Variants in DLC1 observed in about 807,000 individuals in gnomAD.
The protein encoded by DLC1 is DLC1 Rho GTPase activating protein.
Under a neutral mutation model 140.3 loss-of-function variants are expected in DLC1, and 54 were observed. The observed-to-expected ratio is 0.38, with a 90% CI of 0.31 to 0.48. DLC1 has a LOEUF of 0.48. Among genes scored for constraint, DLC1 ranks in the 20% least tolerant of loss-of-function variants. DLC1 has a pLI of 0.96. For synonymous variants in DLC1, 986 were observed against 728.1 expected (o/e 1.35, Z -5.70); for missense variants, 2,536 against 1,907.0 (o/e 1.33, Z -6.14).
chr8:13,122,491 A>C (rs1821176790), intron 5 of DLC1, among the ~76,000 whole-genome samples: 1 of 150,048 alleles, frequency 6.7e-6, no homozygotes, highest in Non-Finnish European at 1.5e-5. Flanking sequence ...GAAGAAGGAA[A>C]AGAAAAAAAA....
At chr8:13,594,138 G>A (rs757893343) in intron 1 of DLC1, among the ~76,000 whole-genome samples, 9 of 152,154 alleles carry the variant, frequency 5.9e-5, no homozygotes, top group Non-Finnish European at 1.3e-4. Flanking sequence ...TCCAGCCTGG[G>A]CAACAGAGCG....
chr8:13,267,301 C>T (rs1247911752), intron 5 of DLC1, among the ~76,000 whole-genome samples: 1 of 151,388 alleles, frequency 6.6e-6, no homozygotes, highest in African/African-American at 2.4e-5. Context: ...TAGGAATGTT[C>T]TTACTCATCT....
At chr8:13,132,576 A>C (rs905419915) in intron 5 of DLC1, among the ~76,000 whole-genome samples, 39 of 152,298 alleles carry the variant, frequency 2.6e-4, no homozygotes, top group Non-Finnish European at 5.0e-4. Flanking sequence ...AAAGGAAGGT[A>C]GAAGGCGGTG....
intron 2 of DLC1, among the ~76,000 whole-genome samples, chr8:13,456,607 C>T (rs1188518548): frequency 6.6e-6 from 1 of 152,104 alleles, no homozygotes; most frequent in Non-Finnish European, 1.5e-5. Context: ...TATAGGCTTG[C>T]TCCACTATGC....
Position 13,500,007 on chromosome 8 carries a change from A to C in DLC1, c.65T>G (p.Phe22Cys). The change falls in exon 2 of 18, where the codon TTT becomes TGT. Residue 22 changes from phenylalanine (F) to cysteine (C), a missense_variant. Physicochemically the swap from Phe to Cys is radical, Grantham distance 205. Coordinates refer to ENST00000276297, the MANE Select transcript of DLC1 (RefSeq NM_182643.3). Reference sequence around the variant, plus strand: ...TGCTGTGTTACGATCATCAGAATTAAAAGGCTGTCCCATCCAGTGGGTCAC... The same window carrying C: ...TGCTGTGTTACGATCATCAGAATTACAAGGCTGTCCCATCCAGTGGGTCAC... ...EHVTHWMGQP[F>C]NSDDRNTACH... The C allele has an allele frequency of 1.9e-6, 3 of 1,614,094 alleles. No individual in the cohort carries two copies. Among genetic ancestry groups the C allele is most frequent in the Non-Finnish European group, 2.5e-6 (3 of 1,179,982 alleles).
intron 2 of DLC1, among the ~76,000 whole-genome samples, chr8:13,446,106 ATC>A (rs1798765291): frequency 2.0e-5 from 3 of 152,144 alleles, no homozygotes; most frequent in African/African-American, 7.2e-5. Context: ...TTTCAGAAAA[ATC>A]ACATCAAGAC....
intron 5 of DLC1, among the ~76,000 whole-genome samples, chr8:13,302,643 G>T (rs1832246804): frequency 6.7e-6 from 1 of 149,874 alleles, no homozygotes; most frequent in Non-Finnish European, 1.5e-5. Context: ...GCTTGGATGA[G>T]AGGTCACACA....
chr8:13,220,062 T>A (rs575819830), intron 5 of DLC1, among the ~76,000 whole-genome samples: 4 of 151,888 alleles, frequency 2.6e-5, no homozygotes, highest in Non-Finnish European at 4.4e-5. Flanking sequence ...GGTACAGGGG[T>A]TTCCTTCTGG....
At chr8:13,595,054 C>T (rs1051116848) in intron 1 of DLC1, among the ~76,000 whole-genome samples, 10 of 151,808 alleles carry the variant, frequency 6.6e-5, no homozygotes, top group African/African-American at 1.2e-4. Context: ...GATCACACAC[C>T]GCAGTTTTCT....
chr8:13,094,991 T>C (rs1040974167), intron 11 of DLC1, 34 bp from the exon 12 acceptor site: 12 of 1,614,044 alleles, frequency 7.4e-6, no homozygotes, highest in Non-Finnish European at 9.3e-6. Context: ...GTGGGGTACA[T>C]TCACGTGGAC....
At chr8:13,192,108 G>A (rs142156027) in intron 5 of DLC1, among the ~76,000 whole-genome samples, 2 of 151,740 alleles carry the variant, frequency 1.3e-5, no homozygotes, top group East Asian at 1.9e-4. Flanking sequence ...CACCGTGCCC[G>A]GCTAATTTTT....
chr8:13,406,181 G>GTTTTTTTTTTTGTTTT (rs1554514491), intron 2 of DLC1, among the ~76,000 whole-genome samples: 4 of 84,956 alleles, frequency 4.7e-5, no homozygotes, highest in African/African-American at 1.9e-4. Context: ...TAATTTTTGT[G>GTTTTTTTTTTTGTTTT]TTTTTTTTTT....
chr8:13,113,210 T>C (rs1222914500), intron 6 of DLC1, among the ~76,000 whole-genome samples: 5 of 152,256 alleles, frequency 3.3e-5, no homozygotes, highest in Non-Finnish European at 7.3e-5. Flanking sequence ...AGATGTTCTC[T>C]GAACTCAACT....
intron 5 of DLC1, among the ~76,000 whole-genome samples, chr8:13,195,350 C>G (rs761090982): frequency 6.6e-6 from 1 of 152,144 alleles, no homozygotes; most frequent in Non-Finnish European, 1.5e-5. Flanking sequence ...TGAGCTGTTT[C>G]AATCAATCAT....
intron 2 of DLC1, among the ~76,000 whole-genome samples, chr8:13,416,667 C>G (rs775909045): frequency 1.3e-5 from 2 of 152,102 alleles, no homozygotes; most frequent in African/African-American, 2.4e-5. Flanking sequence ...TTCATAAACC[C>G]AGGTGGTGGG....
chr8:13,357,934 A>G (rs41360644), intron 4 of DLC1, among the ~76,000 whole-genome samples: 28,872 of 152,160 alleles, frequency 0.19, 3,034 homozygotes, highest in Non-Finnish European at 0.24. Context: ...CCTATGGTAC[A>G]GATTTTCAAA....
intron 1 of DLC1, among the ~76,000 whole-genome samples, chr8:13,508,116 A>T (rs561805216): frequency 1.2e-4 from 19 of 152,322 alleles, no homozygotes; most frequent in Admixed American, 2.6e-4. Flanking sequence ...GCGGTGCTCT[A>T]TTTTTACGTC....
rs762349619 is a variant in DLC1 at position 13,499,427 on chromosome 8, G to A, written c.645C>T (p.Asn215=). 29 of 1,613,664 alleles carry A rather than the reference G, an allele frequency of 1.8e-5. No homozygotes were observed. Among genetic ancestry groups the A allele is most frequent in the East Asian group, 6.7e-5 (3 of 44,890 alleles). ...APKVNAVDTL[N]VKDIAPEKQL... ...GTTTCTCAGGTGCAATATCTTTCAC[G>A]TTCAAAGTATCCACTGCATTTACTT... The change falls in exon 2 of 18, where the codon AAC becomes AAT. Residue 215 remains asparagine, a synonymous_variant. Transcript: ENST00000276297.
intron 5 of DLC1, among the ~76,000 whole-genome samples, chr8:13,253,726 G>A (rs1830102349): frequency 6.6e-6 from 1 of 152,214 alleles, no homozygotes; most frequent in South Asian, 2.1e-4. Flanking sequence ...GTGATGGCTG[G>A]AGAGTGGGCT....
Sources: allele counts gnomAD v4.1 joint callset (sites outside exome capture counted in the v4.1 genomes callset), GRCh38; gene constraint gnomAD v4.1.1; transcripts MANE v1.5; gene names NCBI Gene and HGNC (gene_info 2026-07-23, HGNC 2026-07-21).